Variants in SAP30BP observed in about 807,000 individuals in gnomAD.
The protein encoded by SAP30BP is SAP30 binding protein.
Under a neutral mutation model 46.3 loss-of-function variants are expected in SAP30BP, and 31 were observed. The ratio of observed to expected loss-of-function variants is 0.67; its 90% confidence interval spans 0.50 to 0.90. The LOEUF (loss-of-function observed/expected upper bound fraction) is 0.90. Among genes scored for constraint, SAP30BP ranks in the 40% least tolerant of loss-of-function variants. The probability of loss-of-function intolerance (pLI) is 0.00; values close to 1 mark genes in which losing one functional copy is unlikely to be tolerated. For synonymous variants in SAP30BP, 169 were observed against 144.2 expected, an observed-to-expected ratio of 1.17 and a Z score of -1.23; for missense variants, 312 against 391.0, an observed-to-expected ratio of 0.80 and a Z score of 1.70.
At chr17:75,670,725 A>G (rs563534909) in intron 2 of SAP30BP, among the ~76,000 whole-genome samples, 2 of 152,328 alleles carry the variant, frequency 1.3e-5, no homozygotes, top group East Asian at 1.9e-4. Context: ...TAAGGAGATT[A>G]TGGAGATTGC....
intron 3 of SAP30BP, among the ~76,000 whole-genome samples, chr17:75,685,790 C>A (rs895453074): frequency 3.9e-5 from 6 of 152,212 alleles, no homozygotes; most frequent in African/African-American, 1.4e-4. Flanking sequence ...CTGGCCTCAC[C>A]ACCAAGAGCT....
intron 3 of SAP30BP, among the ~76,000 whole-genome samples, chr17:75,686,016 T>C (rs535615267): frequency 1.8e-4 from 28 of 152,354 alleles, no homozygotes; most frequent in Admixed American, 3.3e-4. Flanking sequence ...GCATTTACAT[T>C]GAAGTCTAGT....
intron 4 of SAP30BP, among the ~76,000 whole-genome samples, chr17:75,698,297 T>G (rs915860775): frequency 2.6e-5 from 4 of 152,030 alleles, no homozygotes; most frequent in African/African-American, 9.7e-5. Flanking sequence ...TAAGAGAGAG[T>G]TGATTGGTTT....
chr17:75,697,028 C>T (rs942708678), intron 4 of SAP30BP, among the ~76,000 whole-genome samples: 6 of 152,078 alleles, frequency 3.9e-5, no homozygotes, highest in Admixed American at 2.6e-4. Flanking sequence ...CCGCCCGCCT[C>T]GGCCTCCCAA....
chr17:75,702,980 C>T (rs149431327), intron 6 of SAP30BP: 3 of 385,958 alleles, frequency 7.8e-6, no homozygotes, highest in East Asian at 4.3e-5. Flanking sequence ...GATGTCTGGT[C>T]TTCCTCCATT....
Position 75,706,419 on chromosome 17 carries a change from A to G in SAP30BP, c.825A>G (p.Thr275=), listed in dbSNP as rs1467477734. ...CCCAGCCCACCATCCTCACCACCAC[A>G]GCCACCCTGCCAGCTGTTGTCACGG... is the stretch of plus-strand genomic sequence containing the variant. ...TIAQPTILTT[T]ATLPAVVTVT... The change falls in exon 11 of 11, where the codon ACA becomes ACG. Residue 275 remains threonine (T), a synonymous_variant. Coordinates refer to ENST00000584667, the MANE Select transcript of SAP30BP (RefSeq NM_013260.8). This position sits in a 1 kb window ranked among gnomAD's most constrained non-coding sequence, Gnocchi z 4.6. 1.9e-6 allele frequency: 3 copies of G among 1,613,982 alleles called. No individual in the cohort carries two copies. The highest frequency in any genetic ancestry group is 1.7e-6 in the Non-Finnish European group (2 of 1,180,012).
chr17:75,677,106 CTTT>C (rs35919373), intron 3 of SAP30BP, among the ~76,000 whole-genome samples: 81 of 113,488 alleles, frequency 7.1e-4, no homozygotes, highest in African/African-American at 2.3e-3. Context: ...TGGCAGAAAA[CTTT>C]TTTTTTTTTT....
Position 75,693,624 on chromosome 17 carries a change from G to A in SAP30BP, c.307+142G>A, listed in dbSNP as rs11868021. The stretch of plus-strand genomic sequence containing the variant: ...CCCTTTGGCTCCCTCTCAGGGCTTT[G>A]GCATTTCCTAGGATGCCCGGGTGAG... On this transcript the variant is annotated intron_variant, in intron 4 of 10. Coordinates refer to ENST00000584667, the MANE Select transcript of SAP30BP (RefSeq NM_013260.8). The A allele has an allele frequency of 3.3e-3, 2,179 of 663,392 alleles. 29 individuals are homozygous for A. In the African/African-American group the frequency reaches 0.034, roughly 10 times the overall value. The allele number at this position is 663,392 out of a possible 1,614,324, so 41.1% of individuals were successfully genotyped here.
At chr17:75,696,901 C>T (rs2060329683) in intron 4 of SAP30BP, among the ~76,000 whole-genome samples, 1 of 151,816 alleles carries the variant, frequency 6.6e-6, no homozygotes, top group Non-Finnish European at 1.5e-5. Context: ...CCTCAGCCTC[C>T]CGAGTAGCTG....
At chr17:75,680,763 G>A (rs1176311449) in intron 3 of SAP30BP, among the ~76,000 whole-genome samples, 1 of 152,164 alleles carries the variant, frequency 6.6e-6, no homozygotes, top group Admixed American at 6.6e-5. Flanking sequence ...GCTGAGTGTG[G>A]TAGCTCAAGC....
At position 75,706,466 on chromosome 17, in the gene SAP30BP, C is replaced by T; in HGVS notation, c.872C>T (p.Ser291Phe). Residue 291 changes from serine (S) to phenylalanine (F), a missense_variant, in exon 11 of 11, where the codon TCC becomes TTC. Physicochemically the swap from Ser to Phe is radical, Grantham distance 155 (BLOSUM62 -2). This residue lies in a region of SAP30BP where 16 missense variants were observed against 44.4 expected (regional missense o/e 0.36). Transcript: ENST00000584667. This position sits in a 1 kb window ranked among gnomAD's most constrained non-coding sequence, Gnocchi z 4.6. ...ACGGTCACCACCAGCGCCAGCGGCT[C>T]CAAGACCACCGTCATCTCTGCTGTG... is the stretch of plus-strand genomic sequence containing the variant. ...VVTVTTSASG[S>F]KTTVISAVGT... 6.2e-7 allele frequency: 1 copy of T among 1,614,156 alleles called. No individual in the cohort carries two copies. Among genetic ancestry groups the T allele is most frequent in the South Asian group, 1.1e-5 (1 of 91,080 alleles).
chr17:75,669,170 T>C (rs1411213437), intron 2 of SAP30BP, among the ~76,000 whole-genome samples: 2 of 152,052 alleles, frequency 1.3e-5, no homozygotes, highest in Non-Finnish European at 1.5e-5. Flanking sequence ...CTTGAACTCC[T>C]GGGCGCAAGT....
chr17:75,689,140 C>T (rs905284825), intron 3 of SAP30BP, among the ~76,000 whole-genome samples: 11 of 146,106 alleles, frequency 7.5e-5, no homozygotes, highest in South Asian at 2.2e-4. Context: ...TTTGTCTTTT[C>T]GTTTTTCCTT....
At chr17:75,690,001 A>G (rs2060218616) in intron 3 of SAP30BP, among the ~76,000 whole-genome samples, 1 of 152,164 alleles carries the variant, frequency 6.6e-6, no homozygotes, top group South Asian at 2.1e-4. Context: ...AAAATTACCT[A>G]CCGGGTACAG....
At chr17:75,695,411 G>C (rs932243726) in intron 4 of SAP30BP, among the ~76,000 whole-genome samples, 2 of 152,208 alleles carry the variant, frequency 1.3e-5, no homozygotes, top group Non-Finnish European at 2.9e-5. Context: ...TCAGCACGGT[G>C]CTTGCAAGAC....
At chr17:75,690,299 C>T (rs1277812708) in intron 3 of SAP30BP, among the ~76,000 whole-genome samples, 1 of 151,974 alleles carries the variant, frequency 6.6e-6, no homozygotes, top group Admixed American at 6.6e-5. Flanking sequence ...TGGTGGAGGT[C>T]GTTATAGAGG....
intron 3 of SAP30BP, chr17:75,680,038 C>T (rs2060052439): frequency 1.3e-5 from 2 of 152,240 alleles, no homozygotes; most frequent in South Asian, 4.1e-4. Context: ...CTGTCCCTGA[C>T]ACACCCTTCC....
intron 4 of SAP30BP, among the ~76,000 whole-genome samples, chr17:75,699,148 G>A (rs2060367046): frequency 6.6e-6 from 1 of 152,164 alleles, no homozygotes; most frequent in Non-Finnish European, 1.5e-5. Flanking sequence ...GCTCTAGCCT[G>A]GGTTACAGAG....
chr17:75,675,024 T>A (rs549862431), intron 3 of SAP30BP, among the ~76,000 whole-genome samples: 16 of 152,304 alleles, frequency 1.1e-4, no homozygotes, highest in African/African-American at 3.1e-4. Context: ...AGGAAGTTTC[T>A]AACAATAGAA....
Sources: allele counts gnomAD v4.1 joint callset (sites outside exome capture counted in the v4.1 genomes callset), GRCh38; gene constraint gnomAD v4.1.1; regional missense constraint gnomAD v4.1.1; non-coding constraint Gnocchi (gnomAD v3.1); transcripts MANE v1.5; gene names NCBI Gene and HGNC (gene_info 2026-07-23, HGNC 2026-07-21).